The following CD109 variants were observed in gnomAD, a reference collection of about 807,000 sequenced individuals.
CD109 encodes the protein CD109 molecule, also known as CD109 antigen.
Under a neutral mutation model 165.8 loss-of-function variants are expected in CD109, and 149 were observed. The observed-to-expected ratio is 0.90, with a 90% CI of 0.79 to 1.03. The LOEUF (loss-of-function observed/expected upper bound fraction) is 1.03. CD109 is among the 50% of genes least tolerant of loss of function. The pLI, the probability that CD109 is intolerant of heterozygous loss-of-function variation, is 0.00. For synonymous variants in CD109, 585 were observed against 592.1 expected (o/e 0.99, Z 0.18); for missense variants, 1,712 against 1,677.8 (o/e 1.02, Z -0.36).
intron 19 of CD109, among the ~76,000 whole-genome samples, chr6:73,784,622 CT>C (rs1363606734): frequency 1.3e-5 from 2 of 152,190 alleles, no homozygotes; most frequent in Non-Finnish European, 1.5e-5. Context: ...GAGGGAGTTA[CT>C]GCTGCCAGCA....
intron 27 of CD109, among the ~76,000 whole-genome samples, chr6:73,810,493 A>G (rs1319794646): frequency 6.6e-6 from 1 of 151,904 alleles, no homozygotes; most frequent in African/African-American, 2.4e-5. Flanking sequence ...GGTAACTGAT[A>G]TAAGAGTAGA....
intron 22 of CD109, among the ~76,000 whole-genome samples, chr6:73,789,613 C>T (rs1006688833): frequency 2.2e-5 from 3 of 136,156 alleles, no homozygotes; most frequent in African/African-American, 8.6e-5. Flanking sequence ...GCCACCATGC[C>T]TGGCTAATTT....
chr6:73,724,612 A>C (rs1335459331), intron 3 of CD109, among the ~76,000 whole-genome samples: 2 of 140,954 alleles, frequency 1.4e-5, no homozygotes, highest in African/African-American at 5.2e-5. Context: ...CATTACCTTA[A>C]ATTTTTTTTT....
chr6:73,800,200 T>C (rs1396331579), intron 23 of CD109, among the ~76,000 whole-genome samples: 3 of 152,198 alleles, frequency 2.0e-5, no homozygotes, highest in Non-Finnish European at 4.4e-5. Context: ...TATATCTATA[T>C]GTACTATTTT....
chr6:73,715,060 A>G (rs1473675386), intron 2 of CD109, among the ~76,000 whole-genome samples: 2 of 152,078 alleles, frequency 1.3e-5, no homozygotes, highest in Non-Finnish European at 2.9e-5. Context: ...GGAGTTCGAG[A>G]CCAGCCTGGC....
chr6:73,741,649 A>G (rs1746335344), intron 5 of CD109, among the ~76,000 whole-genome samples: 2 of 152,222 alleles, frequency 1.3e-5, no homozygotes, highest in Non-Finnish European at 1.5e-5. Flanking sequence ...TTTCTCAAAT[A>G]ATTGCACATG....
At chr6:73,791,011 G>C (rs1774907623) in intron 22 of CD109, among the ~76,000 whole-genome samples, 1 of 151,130 alleles carries the variant, frequency 6.6e-6, no homozygotes, top group Non-Finnish European at 1.5e-5. Flanking sequence ...AAGGTGTTAG[G>C]ACCTAAAACA....
At chr6:73,816,086 C>T (rs1485883291) in intron 30 of CD109, among the ~76,000 whole-genome samples, 3 of 152,120 alleles carry the variant, frequency 2.0e-5, no homozygotes, top group African/African-American at 7.2e-5. Context: ...ATTGCCTGGA[C>T]CCAGTCTCCG....
In CD109 at chr6:73,763,576, G is replaced by GT. The variant is rs762228279; in HGVS notation, c.999dup (p.Ile334TyrfsTer8). 6.6e-7 allele frequency: 1 copy of GT among 1,525,472 alleles called. No individual in the cohort carries two copies. 94.5% of individuals were successfully genotyped at this position (1,525,472 alleles called of 1,614,324 possible). A position where few individuals can be genotyped will look rare whatever the true frequency, so the allele number is the denominator to read the frequency against. ...CTAAATTGTGCAATTTCCAAAAAAG[G>GT]TATTTCAAGAAATGTAAGCACTAAT... On this transcript the variant is annotated frameshift_variant and splice_region_variant, in exon 10 of 33. Coordinates refer to ENST00000287097, the MANE Select transcript of CD109 (RefSeq NM_133493.5). LOFTEE classifies it high-confidence loss of function.
chr6:73,811,139 A>G lies in CD109; in HGVS notation c.3694A>G (p.Thr1232Ala). The change falls in exon 28 of 33, where the codon ACA (threonine) becomes GCA (alanine). Residue 1232 changes from threonine to alanine, a missense_variant. By Grantham distance (58) the Thr-to-Ala change is moderately conservative. Coordinates refer to ENST00000287097, the MANE Select transcript of CD109 (RefSeq NM_133493.5). Reference sequence around the variant, plus strand: ...CACACACAACCGCTTACTCCTTCAGACAGCAGAGGTGTGGGCAAGGGGCAG... The same window carrying G: ...CACACACAACCGCTTACTCCTTCAGGCAGCAGAGGTGTGGGCAAGGGGCAG... ...IDTHNRLLLQ[T>A]AELAVVQPTA... 1 of 1,612,696 alleles carries G rather than the reference A, an allele frequency of 6.2e-7. No homozygotes were observed. The highest frequency in any genetic ancestry group is 1.7e-5 in the Admixed American group (1 of 59,796).
At chr6:73,772,042 T>C (rs1223640256) in intron 15 of CD109, among the ~76,000 whole-genome samples, 1 of 152,140 alleles carries the variant, frequency 6.6e-6, no homozygotes, top group Non-Finnish European at 1.5e-5. Flanking sequence ...ATATATACAA[T>C]AAAAAATGCC....
chr6:73,789,719 C>T (rs1381298604), intron 22 of CD109, among the ~76,000 whole-genome samples: 4 of 151,560 alleles, frequency 2.6e-5, no homozygotes, highest in African/African-American at 9.7e-5. Flanking sequence ...CTCGGCCTCC[C>T]AAAGTGCTGG....
chr6:73,792,803 G>A lies in CD109; in HGVS notation c.2878+1G>A. 1.2e-6 allele frequency: 2 copies of A among 1,605,250 alleles called. No individual in the cohort carries two copies. On this transcript the variant is annotated splice_donor_variant, in intron 23 of 32. Transcript: ENST00000287097. LOFTEE classifies it high-confidence loss of function. ...AAAGCTCTTTCATTTATGAGGCAAG[G>A]TAAGCATTTTAGAGACCTACATTTG...
chr6:73,765,853 G>T, intron 10 of CD109, 77 bp from the exon 11 acceptor site: 1 of 1,056,478 alleles, frequency 9.5e-7, no homozygotes, highest in Non-Finnish European at 1.4e-6. Context: ...AATTTCATGA[G>T]AATACTACAG....
At chr6:73,762,648 G>T (rs894675839) in intron 8 of CD109, 93 bp from the exon 9 acceptor site, 2 of 1,057,212 alleles carry the variant, frequency 1.9e-6, no homozygotes, top group Non-Finnish European at 2.8e-6. Context: ...AATGGTACCA[G>T]AGCTATCATA....
chr6:73,679,228 A>G, the CD109 span, among the ~76,000 whole-genome samples: 104 of 152,238 alleles, frequency 6.8e-4, no homozygotes, highest in African/African-American at 2.4e-3. Flanking sequence ...GTGTGTGAAC[A>G]ACGCAGGCTC....
chr6:73,775,026 A>G (rs1238071010), intron 15 of CD109, among the ~76,000 whole-genome samples: 1 of 152,064 alleles, frequency 6.6e-6, no homozygotes, highest in East Asian at 1.9e-4. Context: ...TCTTCCAGGA[A>G]TAATTTTTAG....
At chr6:73,803,177 A>G in intron 23 of CD109, 43 bp from the exon 24 acceptor site, 1 of 1,334,676 alleles carries the variant, frequency 7.5e-7, no homozygotes, top group African/African-American at 1.4e-5. Context: ...CATCCATTGC[A>G]AGTTAATGAT....
chr6:73,730,336 C>G lies in CD109; in HGVS notation c.277-8C>G, dbSNP rs765708514. 1.9e-6 allele frequency: 3 copies of G among 1,541,168 alleles called. No individual in the cohort carries two copies. In the South Asian group the frequency reaches 3.5e-5, roughly 18 times the overall value. On this transcript the variant is annotated splice_region_variant and splice_polypyrimidine_tract_variant and intron_variant, in intron 3 of 32. Coordinates refer to ENST00000287097, the MANE Select transcript of CD109 (RefSeq NM_133493.5). The stretch of plus-strand genomic sequence containing the variant: ...AGACCTTGATGTGTGATCTCTTTTT[C>G]CCCCCAGCTACCTCTGAACAGTGCA...
Sources: gnomAD v4.1 joint callset for allele counts (sites outside exome capture counted in the v4.1 genomes callset) on GRCh38, gnomAD v4.1.1 for gene constraint, MANE v1.5 for transcripts, NCBI Gene and HGNC (gene_info 2026-07-23, HGNC 2026-07-21) for gene names.